The following ASCC1 variants were observed in gnomAD, a reference collection of about 807,000 sequenced individuals.
ASCC1 encodes the protein ASC-1 complex subunit P50.
In ASCC1, 35 loss-of-function variants were observed where a neutral mutation model predicts 46.6. That is an observed-to-expected ratio of 0.75 (90% CI 0.57 to 0.99). ASCC1 has a LOEUF of 0.99. Among genes scored for constraint, ASCC1 ranks in the 50% least tolerant of loss-of-function variants. ASCC1 has a pLI of 0.00. For synonymous variants in ASCC1, 143 were observed against 146.6 expected (o/e 0.98, Z 0.18); for missense variants, 376 against 428.7 (o/e 0.88, Z 1.09).
At chr10:72,159,618 T>G (rs895194332) in intron 6 of ASCC1, among the ~76,000 whole-genome samples, 12 of 152,172 alleles carry the variant, frequency 7.9e-5, no homozygotes, top group Non-Finnish European at 1.8e-4. Flanking sequence ...CTGCCCTGCT[T>G]TGTAAAATAA....
At chr10:72,151,813 C>T (rs868721535) in intron 7 of ASCC1, among the ~76,000 whole-genome samples, 6 of 151,410 alleles carry the variant, frequency 4.0e-5, no homozygotes, top group Admixed American at 1.3e-4. Context: ...CTCAGCCTCC[C>T]GAGTAGCTGG....
intron 5 of ASCC1, among the ~76,000 whole-genome samples, chr10:72,193,928 G>A (rs768416561): frequency 1.6e-4 from 24 of 150,632 alleles, no homozygotes; most frequent in Non-Finnish European, 2.7e-4. Context: ...TCCACCTCCC[G>A]GATTCACGTC....
At chr10:72,179,517 C>G (rs2132997761) in intron 5 of ASCC1, among the ~76,000 whole-genome samples, 1 of 152,138 alleles carries the variant, frequency 6.6e-6, no homozygotes, top group East Asian at 1.9e-4. Context: ...GGACTGTCAA[C>G]TATTTGTTCT....
rs563660426 is a variant in ASCC1, at chr10:72,178,362, G to A, written c.490-16688C>T. ...ATTATATTATGTTCTATGGTACAGC[G>A]GACTTTAAGAGAGAGAGATTATCCC... On this transcript the variant is annotated intron_variant, in intron 5 of 9. Transcript: ENST00000672957. Among the ~76,000 whole-genome samples the A allele has an allele frequency of 7.2e-5, 11 of 152,194 alleles. 1 individual carries two copies. Among genetic ancestry groups the A allele is most frequent in the Admixed American group, 3.9e-4 (6 of 15,288 alleles).
chr10:72,181,552 A>G (rs1329524024), intron 5 of ASCC1, among the ~76,000 whole-genome samples: 1 of 152,344 alleles, frequency 6.6e-6, no homozygotes, highest in Non-Finnish European at 1.5e-5. Flanking sequence ...TTGAACAATA[A>G]AGGAATATTT....
At chr10:72,105,508 C>A (rs1842250901) in intron 9 of ASCC1, among the ~76,000 whole-genome samples, 1 of 152,210 alleles carries the variant, frequency 6.6e-6, no homozygotes, top group Non-Finnish European at 1.5e-5. Flanking sequence ...TCAATAATAT[C>A]TTTAGAAAAT....
intron 4 of ASCC1, among the ~76,000 whole-genome samples, chr10:72,201,152 T>G (rs1856439137): frequency 1.3e-5 from 2 of 151,704 alleles, no homozygotes; most frequent in Admixed American, 1.3e-4. Flanking sequence ...GATTATTCTT[T>G]TGTGTGTGTG....
Position 72,213,216 on chromosome 10 carries a change from T to G in ASCC1, c.83A>C (p.His28Pro). ...ATAGAAGTCCTCTTCATCTTCTTCATGTTGATAGGTCTGTTCTTGGACTGG... is the reference window on the plus strand; with the variant it reads ...ATAGAAGTCCTCTTCATCTTCTTCAGGTTGATAGGTCTGTTCTTGGACTGG... Reference protein sequence around the residue: ...KNPVQEQTYQHEEDEEDFYQG... With the variant: ...KNPVQEQTYQPEEDEEDFYQG... Residue 28 changes from histidine to proline, a missense_variant, in exon 2 of 10, where the codon CAT becomes CCT. Transcript: ENST00000672957. 1 of 1,613,694 alleles carries G rather than the reference T, an allele frequency of 6.2e-7. No individual in the cohort carries two copies. Among genetic ancestry groups the G allele is most frequent in the Non-Finnish European group, 8.5e-7 (1 of 1,179,654 alleles).
In ASCC1 at chr10:72,116,922, A is replaced by T. The variant is rs373238546; in HGVS notation, c.957+11160T>A. Among the ~76,000 whole-genome samples the T allele has an allele frequency of 5.3e-5, 8 of 152,164 alleles. No individual in the cohort carries two copies. The South Asian group carries it at 1.7e-3, about 32-fold the overall frequency. On this transcript the variant is annotated intron_variant, in intron 9 of 9. Coordinates refer to ENST00000672957, the MANE Select transcript of ASCC1 (RefSeq NM_001198800.3). ...AGTCTGGGCAACACAGTAAGACCCCATCTCTATATTTTAAATTTTTTATTT... is the reference window on the plus strand; with the variant it reads ...AGTCTGGGCAACACAGTAAGACCCCTTCTCTATATTTTAAATTTTTTATTT...
intron 5 of ASCC1, among the ~76,000 whole-genome samples, chr10:72,167,247 G>C (rs2132770735): frequency 6.6e-6 from 1 of 152,268 alleles, no homozygotes; most frequent in East Asian, 1.9e-4. Flanking sequence ...ATGTAGGCTA[G>C]CCATATATGC....
At chr10:72,160,554 C>A (rs1379440653) in intron 6 of ASCC1, among the ~76,000 whole-genome samples, 1 of 151,972 alleles carries the variant, frequency 6.6e-6, no homozygotes, top group African/African-American at 2.4e-5. Flanking sequence ...ATTGCTTAGA[C>A]TGTTTCTGGT....
chr10:72,121,346 T>G (rs528885942), intron 9 of ASCC1, among the ~76,000 whole-genome samples: 2 of 151,468 alleles, frequency 1.3e-5, no homozygotes. Context: ...GGTCCCACTG[T>G]GTTGCTTATG....
chr10:72,152,411 T>A (rs374309011), intron 7 of ASCC1, among the ~76,000 whole-genome samples: 2 of 152,236 alleles, frequency 1.3e-5, no homozygotes, highest in Admixed American at 6.5e-5. Flanking sequence ...CTGCATTACA[T>A]CACGTTTGAA....
intron 7 of ASCC1, among the ~76,000 whole-genome samples, chr10:72,150,648 G>C (rs1057340610): frequency 3.9e-5 from 6 of 152,174 alleles, no homozygotes; most frequent in Non-Finnish European, 8.8e-5. Context: ...AAATTAAAAA[G>C]AGTAAACATC....
intron 7 of ASCC1, among the ~76,000 whole-genome samples, chr10:72,143,807 C>T (rs1290208640): frequency 6.6e-6 from 1 of 151,166 alleles, no homozygotes; most frequent in African/African-American, 2.4e-5. Context: ...GTTGCAATCT[C>T]CTCCTATGAT....
At chr10:72,214,124 A>G (rs559662799) in intron 1 of ASCC1, among the ~76,000 whole-genome samples, 59 of 152,110 alleles carry the variant, frequency 3.9e-4, no homozygotes, top group Admixed American at 8.5e-4. Context: ...AGGTTGAGGA[A>G]GGAGGACTGC....
intron 9 of ASCC1, among the ~76,000 whole-genome samples, chr10:72,103,131 T>G (rs1362040723): frequency 5.3e-5 from 8 of 151,588 alleles, no homozygotes; most frequent in Admixed American, 4.6e-4. Context: ...GATACTATGT[T>G]TTTTTTTCCT....
intron 9 of ASCC1, among the ~76,000 whole-genome samples, chr10:72,113,568 T>C (rs1383215945): frequency 6.6e-6 from 1 of 152,228 alleles, no homozygotes; most frequent in Non-Finnish European, 1.5e-5. Flanking sequence ...AAGACACATT[T>C]AAAAATTCCA....
intron 1 of ASCC1, chr10:72,215,888 G>T (rs1002473282): frequency 6.6e-6 from 1 of 152,412 alleles, no homozygotes; most frequent in Non-Finnish European, 1.5e-5. Flanking sequence ...AGAGGACTAG[G>T]CGGCTGCAGG....
Sources: allele counts gnomAD v4.1 joint callset (sites outside exome capture counted in the v4.1 genomes callset), GRCh38; gene constraint gnomAD v4.1.1; transcripts MANE v1.5; gene names NCBI Gene and HGNC (gene_info 2026-07-23, HGNC 2026-07-21).